Variants in SPICE1 observed in about 807,000 individuals in gnomAD.
The protein encoded by SPICE1 is spindle and centriole associated protein 1, also known as spindle and centriole-associated protein 1.
In SPICE1, 75 loss-of-function variants were observed where a neutral mutation model predicts 102.7. That is an observed-to-expected ratio of 0.73 (90% CI 0.61 to 0.88). The LOEUF (loss-of-function observed/expected upper bound fraction) is 0.88, where lower values mean the gene tolerates loss of function less well. SPICE1 is among the 40% of genes least tolerant of loss of function. The pLI, the probability that SPICE1 is intolerant of heterozygous loss-of-function variation, is 0.00. For missense variants in SPICE1, 979 were observed against 1,020.1 expected, an observed-to-expected ratio of 0.96 and a Z score of 0.55; for synonymous variants, 308 against 350.3, an observed-to-expected ratio of 0.88 and a Z score of 1.35.
intron 2 of SPICE1, 51 bp downstream of exon 2, chr3:113,506,456 T>C (rs1227604867): frequency 7.1e-7 from 1 of 1,409,144 alleles, no homozygotes; most frequent in Non-Finnish European, 1.0e-6. Context: ...TATCACTGTG[T>C]CCATTTCTCC....
At chr3:113,482,547 T>TA (rs1230819756) in intron 7 of SPICE1, among the ~76,000 whole-genome samples, 2 of 152,340 alleles carry the variant, frequency 1.3e-5, no homozygotes, top group Admixed American at 1.3e-4. Context: ...TTTCAGGTCT[T>TA]ACGTTTAACT....
chr3:113,486,564 T>C (rs927109359), intron 7 of SPICE1, among the ~76,000 whole-genome samples: 2 of 151,650 alleles, frequency 1.3e-5, no homozygotes, highest in Non-Finnish European at 2.9e-5. Flanking sequence ...AATTTAGTAC[T>C]ATCCAACTGT....
chr3:113,514,796 C>T (rs1937290913), intron 1 of SPICE1, 101 bp downstream of exon 1: 13 of 1,282,412 alleles, frequency 1.0e-5, no homozygotes, highest in Non-Finnish European at 1.2e-5. Context: ...CCCCCAATTA[C>T]CAGCTCTGTG....
intron 7 of SPICE1, among the ~76,000 whole-genome samples, chr3:113,482,922 T>C (rs368851219): frequency 1.3e-5 from 2 of 152,278 alleles, no homozygotes; most frequent in African/African-American, 4.8e-5. Context: ...TTTAAAGTAG[T>C]TTTTTCTAAT....
intron 6 of SPICE1, among the ~76,000 whole-genome samples, chr3:113,492,700 T>G (rs1376171486): frequency 6.6e-6 from 1 of 152,178 alleles, no homozygotes; most frequent in Non-Finnish European, 1.5e-5. Flanking sequence ...ATCAGGTACA[T>G]TCTAGTCCCA....
Position 113,499,521 on chromosome 3 carries a change from T to A in SPICE1, c.209A>T (p.Glu70Val). 2 of 1,613,480 alleles carry A rather than the reference T, an allele frequency of 1.2e-6. No individual in the cohort carries two copies. The highest frequency in any genetic ancestry group is 1.7e-6 in the Non-Finnish European group (2 of 1,179,798). The change falls in exon 4 of 18, where the codon GAA (glutamate) becomes GTA (valine). Residue 70 changes from glutamate (E) to valine (V), a missense_variant. Transcript: ENST00000295872. ...NRALVHWELQ[E>V]KALKRKWRKQ... ...CCTCCATTTTCTCTTCAAAGCTTTT[T>A]CTTGGAGTTCCCAGTGTACTAATGC...
intron 14 of SPICE1, among the ~76,000 whole-genome samples, chr3:113,453,223 C>T (rs1246845998): frequency 3.9e-5 from 6 of 152,144 alleles, no homozygotes; most frequent in Non-Finnish European, 8.8e-5. Context: ...CTTAGCTTTC[C>T]TACGCATTTT....
At chr3:113,503,313 T>C (rs1348066413) in intron 2 of SPICE1, 86 bp from the exon 3 acceptor site, 16 of 1,344,046 alleles carry the variant, frequency 1.2e-5, no homozygotes, top group Non-Finnish European at 1.6e-5. Flanking sequence ...ATGGCTAAAA[T>C]GGTTTCAAAA....
chr3:113,488,744 CATT>C (rs1236663941), intron 7 of SPICE1, among the ~76,000 whole-genome samples, 198 bp downstream of exon 7: 1 of 152,076 alleles, frequency 6.6e-6, no homozygotes, highest in Non-Finnish European at 1.5e-5. Flanking sequence ...ATGTGGAAAA[CATT>C]AATAATTGAT....
At chr3:113,459,917 C>T in intron 12 of SPICE1, 3 of 985,028 alleles carry the variant, frequency 3.0e-6, no homozygotes, top group Non-Finnish European at 3.6e-6. Flanking sequence ...CAAGACTCCA[C>T]CAGAAGACAG....
At chr3:113,514,482 C>T (rs1937284448) in intron 1 of SPICE1, 1 of 375,118 alleles carries the variant, frequency 2.7e-6, no homozygotes, top group Admixed American at 3.3e-5. Context: ...GACCCTCTCC[C>T]CCATATGGCC....
At chr3:113,459,794 A>T (rs1341300671) in intron 12 of SPICE1, 1 of 850,454 alleles carries the variant, frequency 1.2e-6, no homozygotes, top group Non-Finnish European at 1.4e-6. Context: ...AGGCAGGAGA[A>T]TCGCTTGAAA....
intron 8 of SPICE1, 63 bp from the exon 9 acceptor site, chr3:113,468,962 A>G (rs1936129289): frequency 4.4e-6 from 7 of 1,574,570 alleles, no homozygotes; most frequent in South Asian, 2.4e-5. Flanking sequence ...AAGTATTTCA[A>G]TTGACAGATC....
intron 11 of SPICE1, 103 bp downstream of exon 11, chr3:113,465,550 C>T (rs1273676467): frequency 1.6e-5 from 16 of 972,810 alleles, no homozygotes; most frequent in African/African-American, 6.6e-5. Context: ...TAAGTAATCA[C>T]ATCGATACAG....
At chr3:113,481,194 T>C (rs771629137) in intron 7 of SPICE1, among the ~76,000 whole-genome samples, 2 of 151,966 alleles carry the variant, frequency 1.3e-5, no homozygotes, top group Non-Finnish European at 2.9e-5. Context: ...CAAGATTCAA[T>C]AAAGTAGCAG....
At chr3:113,478,460 CA>C (rs1215916969) in intron 7 of SPICE1, among the ~76,000 whole-genome samples, 1 of 151,926 alleles carries the variant, frequency 6.6e-6, no homozygotes, top group African/African-American at 2.4e-5. Context: ...GAAATGAAGT[CA>C]AAAGGTATTA....
intron 14 of SPICE1, 146 bp downstream of exon 14, chr3:113,453,320 A>C: frequency 1.2e-6 from 1 of 841,156 alleles, no homozygotes; most frequent in Non-Finnish European, 1.8e-6. Flanking sequence ...ACTTGGACCT[A>C]TTGTATTGAG....
At chr3:113,465,073 C>T (rs1936020809) in intron 11 of SPICE1, among the ~76,000 whole-genome samples, 1 of 148,940 alleles carries the variant, frequency 6.7e-6, no homozygotes, top group South Asian at 2.1e-4. Flanking sequence ...TGCACTCCAT[C>T]CTGGGTGACA....
chr3:113,486,762 T>C (rs1161132245), intron 7 of SPICE1, among the ~76,000 whole-genome samples: 1 of 151,534 alleles, frequency 6.6e-6, no homozygotes, highest in Admixed American at 6.6e-5. Context: ...GCACATTTAT[T>C]GTCAATTAAA....
Sources: gnomAD v4.1 joint callset for allele counts (sites outside exome capture counted in the v4.1 genomes callset) on GRCh38, gnomAD v4.1.1 for gene constraint, MANE v1.5 for transcripts, NCBI Gene and HGNC (gene_info 2026-07-23, HGNC 2026-07-21) for gene names.